Variants in NRXN3 observed in about 807,000 individuals in gnomAD.
The protein encoded by NRXN3 is neurexin 3, also known as neurexin III.
A neutral mutation model predicts 137.6 loss-of-function variants in NRXN3; 32 were observed. The ratio of observed to expected loss-of-function variants is 0.23; its 90% CI spans 0.18 to 0.31. The LOEUF is 0.31. Among genes scored for constraint, NRXN3 ranks in the 10% least tolerant of loss-of-function variants. The probability of loss-of-function intolerance (pLI) is 1.00; values close to 1 mark genes in which losing one functional copy is unlikely to be tolerated. For missense variants in NRXN3, 1,574 were observed against 2,062.5 expected (o/e 0.76, Z 4.59); for synonymous variants, 798 against 784.5 (o/e 1.02, Z -0.29).
intron 10 of NRXN3, among the ~76,000 whole-genome samples, chr14:78,922,512 TTTAG>T (rs1485733598): frequency 6.6e-6 from 1 of 152,170 alleles, no homozygotes; most frequent in East Asian, 1.9e-4. Flanking sequence ...CTTCGTCCAA[TTTAG>T]ATGCAGATGG....
intron 15 of NRXN3, among the ~76,000 whole-genome samples, chr14:79,439,136 C>CAAG: frequency 6.6e-6 from 1 of 152,236 alleles, no homozygotes; most frequent in Admixed American, 6.5e-5. Flanking sequence ...CTGCATGCCA[C>CAAG]CCACCAAAGA....
chr14:79,422,561 C>T (rs1436776060), intron 15 of NRXN3, among the ~76,000 whole-genome samples: 2 of 152,056 alleles, frequency 1.3e-5, no homozygotes, highest in East Asian at 1.9e-4. Flanking sequence ...GCTGTAGAGC[C>T]ACATAAGAAG....
At chr14:79,340,207 G>C (rs1283428658) in intron 15 of NRXN3, among the ~76,000 whole-genome samples, 1 of 151,854 alleles carries the variant, frequency 6.6e-6, no homozygotes, top group African/African-American at 2.4e-5. Context: ...GTGAGAGAGA[G>C]AGAGAAAGAG....
At chr14:79,599,545 C>G (rs2097900192) in intron 16 of NRXN3, among the ~76,000 whole-genome samples, 1 of 152,190 alleles carries the variant, frequency 6.6e-6, no homozygotes, top group Admixed American at 6.5e-5. Context: ...GCCTTGTATG[C>G]AAGACTGAGT....
At chr14:79,503,004 G>A (rs961230538) in intron 16 of NRXN3, among the ~76,000 whole-genome samples, 1 of 151,994 alleles carries the variant, frequency 6.6e-6, no homozygotes, top group Non-Finnish European at 1.5e-5. Flanking sequence ...AAGTGACGTG[G>A]CATTCAGGGG....
chr14:79,559,206 T>A (rs2097463082), intron 16 of NRXN3, among the ~76,000 whole-genome samples: 1 of 152,202 alleles, frequency 6.6e-6, no homozygotes, highest in Non-Finnish European at 1.5e-5. Flanking sequence ...CTTTAAGAAC[T>A]TTTTCTTTGC....
At chr14:79,587,439 G>C (rs1217840140) in intron 16 of NRXN3, among the ~76,000 whole-genome samples, 1 of 152,170 alleles carries the variant, frequency 6.6e-6, no homozygotes, top group Non-Finnish European at 1.5e-5. Flanking sequence ...CTTCCTTCAA[G>C]GGCTGTCAAC....
At chr14:79,158,775 G>C (rs2060488362) in intron 15 of NRXN3, among the ~76,000 whole-genome samples, 1 of 151,786 alleles carries the variant, frequency 6.6e-6, no homozygotes, top group African/African-American at 2.4e-5. Flanking sequence ...CATCCTTAAA[G>C]AACTGAAGGT....
At chr14:78,484,021 C>G (rs967393340) in intron 4 of NRXN3, among the ~76,000 whole-genome samples, 4 of 99,284 alleles carry the variant, frequency 4.0e-5, no homozygotes, top group East Asian at 2.8e-4. Context: ...CACACACACA[C>G]ACACACAGAG....
intron 4 of NRXN3, among the ~76,000 whole-genome samples, chr14:78,307,895 T>G (rs968819906): frequency 6.6e-6 from 1 of 152,108 alleles, no homozygotes; most frequent in Non-Finnish European, 1.5e-5. Flanking sequence ...CTGCTAATTA[T>G]TTCACTCTTT....
In NRXN3 at chr14:79,332,278, TGGTTTGCC is replaced by T. The variant is rs1174315235; in HGVS notation, c.3263-134942_3263-134935del. ...TCTTCTGTAATGAAAGGCTTCTAAC[TGGTTTGCC>T]TGCCTTTGATTTTAGCTTTTTGTGT... On this transcript the variant is annotated intron_variant, in intron 15 of 20. Transcript: ENST00000335750. Among the ~76,000 whole-genome samples the T allele has an allele frequency of 4.6e-5, 7 of 152,228 alleles. No homozygotes were observed. In the East Asian group the frequency reaches 9.6e-4, roughly 21 times the overall value.
At chr14:78,209,595 C>T (rs996688630) in intron 1 of NRXN3, among the ~76,000 whole-genome samples, 20 of 152,136 alleles carry the variant, frequency 1.3e-4, no homozygotes, top group African/African-American at 4.8e-4. Flanking sequence ...CTAGCAAGAG[C>T]AGGGAAAACT....
chr14:78,901,328 T>C (rs1216965588), intron 10 of NRXN3, among the ~76,000 whole-genome samples: 1 of 151,982 alleles, frequency 6.6e-6, no homozygotes, highest in Non-Finnish European at 1.5e-5. Flanking sequence ...ATATCTTGGC[T>C]CTAACTCACC....
At chr14:79,068,253 A>G (rs765990893) in intron 15 of NRXN3, among the ~76,000 whole-genome samples, 5 of 152,156 alleles carry the variant, frequency 3.3e-5, no homozygotes, top group African/African-American at 9.6e-5. Context: ...GTGGTTTATT[A>G]TAAAAGAGAA....
At chr14:79,671,914 C>T (rs1253234067) in intron 17 of NRXN3, among the ~76,000 whole-genome samples, 1 of 151,856 alleles carries the variant, frequency 6.6e-6, no homozygotes, top group African/African-American at 2.4e-5. Flanking sequence ...GTGGTGGGAA[C>T]ACATGGACAC....
At chr14:78,686,806 G>A (rs147448288) in intron 6 of NRXN3, among the ~76,000 whole-genome samples, 233 of 152,252 alleles carry the variant, frequency 1.5e-3, no homozygotes, top group African/African-American at 5.4e-3. Flanking sequence ...TATAGGGAAG[G>A]TTTGCATAAT....
At chr14:79,809,149 T>G (rs1396218230) in intron 20 of NRXN3, among the ~76,000 whole-genome samples, 1 of 152,268 alleles carries the variant, frequency 6.6e-6, no homozygotes, top group Non-Finnish European at 1.5e-5. Context: ...TATCTCTAAC[T>G]TCATTTCCCC....
At chr14:79,303,976 T>C (rs2085588914) in intron 15 of NRXN3, among the ~76,000 whole-genome samples, 1 of 152,216 alleles carries the variant, frequency 6.6e-6, no homozygotes, top group Non-Finnish European at 1.5e-5. Flanking sequence ...CAATGGCACC[T>C]TTTAACATTT....
intron 4 of NRXN3, among the ~76,000 whole-genome samples, chr14:78,318,635 C>T (rs374539047): frequency 5.9e-5 from 9 of 152,172 alleles, no homozygotes; most frequent in African/African-American, 2.2e-4. Context: ...CCCGATTCCC[C>T]CAATGTCACT....
Sources: allele counts gnomAD v4.1 joint callset (sites outside exome capture counted in the v4.1 genomes callset), GRCh38; gene constraint gnomAD v4.1.1; transcripts MANE v1.5; gene names NCBI Gene and HGNC (gene_info 2026-07-23, HGNC 2026-07-21).